The following RELB variants were observed in gnomAD, a reference collection of about 807,000 sequenced individuals.
The protein encoded by RELB is transcription factor RelB.
In RELB, 14 loss-of-function variants were observed where a neutral mutation model predicts 55.4. The observed-to-expected ratio is 0.25, with a 90% CI of 0.17 to 0.40. The LOEUF (loss-of-function observed/expected upper bound fraction) is 0.40, where lower values mean the gene tolerates loss of function less well. RELB is among the 10% of genes least tolerant of loss of function. The probability of loss-of-function intolerance (pLI) is 1.00; values close to 1 mark genes in which losing one functional copy is unlikely to be tolerated. For synonymous variants in RELB, 409 were observed against 371.3 expected (o/e 1.10, Z -1.17); for missense variants, 669 against 830.7 (o/e 0.81, Z 2.39).
intron 5 of RELB, among the ~76,000 whole-genome samples, chr19:45,025,073 G>C (rs1971540964): frequency 6.6e-6 from 1 of 151,604 alleles, no homozygotes; most frequent in African/African-American, 2.4e-5. Flanking sequence ...TGGCCATGCT[G>C]GTCTTGAACT....
chr19:45,008,008 A>G (rs1971304161), intron 2 of RELB, among the ~76,000 whole-genome samples: 1 of 146,696 alleles, frequency 6.8e-6, no homozygotes, highest in African/African-American at 2.5e-5. Context: ...TACAAAAAAA[A>G]AAAAAAAAAA....
chr19:45,029,100 G>A, intron 8 of RELB, 108 bp downstream of exon 8: 1 of 754,882 alleles, frequency 1.3e-6, no homozygotes, highest in South Asian at 1.6e-5. Context: ...GGTTAACCAG[G>A]GCACCAGAGT....
intron 4 of RELB, among the ~76,000 whole-genome samples, chr19:45,017,449 T>A (rs868288635): frequency 2.7e-4 from 28 of 102,664 alleles, no homozygotes; most frequent in African/African-American, 3.4e-4. Context: ...AGAATCTGTC[T>A]AAAAAAAAAA....
chr19:45,009,960 C>T (rs1191734939), intron 3 of RELB, 138 bp downstream of exon 3: 7 of 886,360 alleles, frequency 7.9e-6, no homozygotes, highest in South Asian at 3.0e-5. Flanking sequence ...GGGATTTGAA[C>T]GAAGTCATGC....
At chr19:45,001,800 G>A (rs1026937664) in intron 1 of RELB, 115 bp downstream of exon 1, 4 of 600,798 alleles carry the variant, frequency 6.7e-6, no homozygotes, top group African/African-American at 3.9e-5. Flanking sequence ...TTTCGCGGGG[G>A]CAGAGTGAGG....
At chr19:45,003,035 C>T (rs371186556) in intron 2 of RELB, 39 bp downstream of exon 2, 240 of 1,595,140 alleles carry the variant, frequency 1.5e-4, no homozygotes, top group Non-Finnish European at 2.0e-4. Flanking sequence ...CTCGCTCATG[C>T]AGGATGAGGT....
chr19:45,025,582 G>C (rs917217062), intron 6 of RELB, 24 bp from the exon 7 acceptor site: 1 of 1,613,558 alleles, frequency 6.2e-7, no homozygotes, highest in African/African-American at 1.3e-5. Context: ...CCCACCCTCA[G>C]CCTCCCCATA....
At position 45,037,577 on chromosome 19, in the gene RELB, G is replaced by A. The variant is rs769480756; in HGVS notation, c.1527G>A (p.Pro509=). The change falls in exon 12 of 12, where the codon CCG becomes CCA. Residue 509 remains proline (P), a synonymous_variant. Coordinates refer to ENST00000221452, the MANE Select transcript of RELB (RefSeq NM_006509.4). ...FTMLDLLPPA[P]PHASAVVCSG... ...TGCTGGACCTGCTGCCCCCGGCACC[G>A]CCACACGCTAGCGCTGTTGTGTGCA... 6.2e-6 allele frequency: 10 copies of A among 1,612,182 alleles called. No individual in the cohort carries two copies. Among genetic ancestry groups the A allele is most frequent in the African/African-American group, 5.3e-5 (4 of 74,928 alleles).
intron 4 of RELB, among the ~76,000 whole-genome samples, chr19:45,020,667 T>C (rs1034040965): frequency 2.0e-5 from 3 of 151,472 alleles, no homozygotes; most frequent in African/African-American, 4.9e-5. Flanking sequence ...ACGCCATTCT[T>C]CTGCCTCAGC....
chr19:45,033,994 T>TA (rs1217454598), intron 9 of RELB, among the ~76,000 whole-genome samples: 2 of 151,274 alleles, frequency 1.3e-5, no homozygotes, highest in Non-Finnish European at 2.9e-5. Context: ...CCATCTCTAC[T>TA]AAAAAAATAC....
intron 7 of RELB, among the ~76,000 whole-genome samples, chr19:45,026,529 G>C (rs1971560078): frequency 6.7e-6 from 1 of 148,742 alleles, no homozygotes; most frequent in Non-Finnish European, 1.5e-5. Flanking sequence ...GGGCAATGGA[G>C]AGGGACTCCG....
In RELB at chr19:45,003,912, TGTG is replaced by T. The variant is rs369390121; in HGVS notation, c.154+917_154+919del. Among the ~76,000 whole-genome samples the T allele has an allele frequency of 3.0e-3, 320 of 107,694 alleles. 7 individuals are homozygous for T. Among genetic ancestry groups the T allele is most frequent in the African/African-American group, 0.012 (301 of 25,928 alleles). 70.7% of individuals were successfully genotyped at this position (107,694 alleles called of 152,430 possible). A position where few individuals can be genotyped will look rare whatever the true frequency, so the allele number is the denominator to read the frequency against. ...GTGTGGGTTTTTTTTGTCTGTTTTT[TGTG>T]TTTTTTTTTTTTTTTTTTTTTTTTT... On this transcript the variant is annotated intron_variant, in intron 2 of 11. Coordinates refer to ENST00000221452, the MANE Select transcript of RELB (RefSeq NM_006509.4).
chr19:45,037,426 C>G lies in RELB; in HGVS notation c.1376C>G (p.Ala459Gly), dbSNP rs1171401991. ...GTAGGCCCGTTCCTCCCGCCGTCAG[C>G]CCTGCTGCCAGACCCTGACTTCTTC... The part of the protein sequence containing the change: ...HGSGPFLPPS[A>G]LLPDPDFFSG... The change falls in exon 12 of 12, where the codon GCC (alanine) becomes GGC (glycine). Residue 459 changes from alanine (A) to glycine (G), a missense_variant. Physicochemically the swap from Ala to Gly is moderately conservative, Grantham distance 60. Transcript: ENST00000221452. 1 of 1,590,822 alleles carries G rather than the reference C, an allele frequency of 6.3e-7. No individual in the cohort carries two copies. The highest frequency in any genetic ancestry group is 8.5e-7 in the Non-Finnish European group (1 of 1,173,070).
rs1221082158 is a variant in RELB, at chr19:45,032,846, T to C, written c.1207+97T>C. 4.0e-6 allele frequency: 4 copies of C among 996,968 alleles called. No homozygotes were observed. The East Asian group carries it at 7.9e-5, about 20-fold the overall frequency. The allele number at this position is 996,968 out of a possible 1,614,324, so 61.8% of individuals were successfully genotyped here. Reference sequence around the variant, plus strand: ...GGATGGGAAAGAGGCAGAACTAGAATGCAGGCTCAGAGCTACAAAGACAGT... The same window carrying C: ...GGATGGGAAAGAGGCAGAACTAGAACGCAGGCTCAGAGCTACAAAGACAGT... On this transcript the variant is annotated intron_variant, in intron 9 of 11. Coordinates refer to ENST00000221452, the MANE Select transcript of RELB (RefSeq NM_006509.4).
At position 45,022,137 on chromosome 19, in the gene RELB, A is replaced by C; in HGVS notation, c.589A>C (p.Ser197Arg). 1.2e-6 allele frequency: 2 copies of C among 1,613,144 alleles called. No homozygotes were observed. Among genetic ancestry groups the C allele is most frequent in the Non-Finnish European group, 1.7e-6 (2 of 1,179,568 alleles). ...KDWPHRVHPH[S>R]LVGKDCTDGI... Reference sequence around the variant, plus strand: ...CTGGCCTCACCGAGTCCACCCCCACAGCCTCGTGGGGAAAGACTGCACCGA... The same window carrying C: ...CTGGCCTCACCGAGTCCACCCCCACCGCCTCGTGGGGAAAGACTGCACCGA... The change falls in exon 5 of 12, where the codon AGC becomes CGC. Residue 197 changes from serine to arginine, a missense_variant. Ser to Arg is a moderately radical substitution (Grantham distance 110). Coordinates refer to ENST00000221452, the MANE Select transcript of RELB (RefSeq NM_006509.4).
At chr19:45,015,544 A>C (rs776299258) in intron 4 of RELB, among the ~76,000 whole-genome samples, 2 of 151,942 alleles carry the variant, frequency 1.3e-5, no homozygotes, top group Admixed American at 1.3e-4. Flanking sequence ...AGACCAGCCC[A>C]GGTGACATGG....
intron 2 of RELB, among the ~76,000 whole-genome samples, chr19:45,005,472 T>G (rs1420134506): frequency 6.6e-6 from 1 of 152,158 alleles, no homozygotes; most frequent in Non-Finnish European, 1.5e-5. Flanking sequence ...AGATATAATC[T>G]TGGGATGGAC....
At chr19:45,013,732 T>C (rs1009566083) in intron 4 of RELB, among the ~76,000 whole-genome samples, 1 of 151,768 alleles carries the variant, frequency 6.6e-6, no homozygotes, top group Non-Finnish European at 1.5e-5. Context: ...CTCGGGAGGC[T>C]GAGGCAGAAG....
chr19:45,004,181 G>C (rs909272541), intron 2 of RELB, among the ~76,000 whole-genome samples: 4 of 150,958 alleles, frequency 2.6e-5, no homozygotes, highest in Non-Finnish European at 5.9e-5. Flanking sequence ...GCCTCCCAAA[G>C]TGCTGGGATT....
Sources: gnomAD v4.1 joint callset for allele counts (sites outside exome capture counted in the v4.1 genomes callset) on GRCh38, gnomAD v4.1.1 for gene constraint, MANE v1.5 for transcripts, NCBI Gene and HGNC (gene_info 2026-07-23, HGNC 2026-07-21) for gene names.